The following NKX2-5 variants were observed in gnomAD, a reference collection of about 807,000 sequenced individuals.
The protein encoded by NKX2-5 is homeobox protein Nkx-2.5.
In NKX2-5, 3 loss-of-function variants were observed where a neutral mutation model predicts 24.5. The ratio of observed to expected loss-of-function variants is 0.12; its 90% CI spans 0.06 to 0.32. The LOEUF is 0.32. Among genes scored for constraint, NKX2-5 ranks in the 10% least tolerant of loss-of-function variants. NKX2-5 has a pLI of 1.00. For synonymous variants in NKX2-5, 215 were observed against 217.6 expected, an observed-to-expected ratio of 0.99 and a Z score of 0.11; for missense variants, 429 against 452.4, an observed-to-expected ratio of 0.95 and a Z score of 0.47.
At chr5:173,233,439 T>C (rs1581109312) in intron 1 of NKX2-5, 1 of 1,527,456 alleles carries the variant, frequency 6.5e-7, no homozygotes, top group East Asian at 2.5e-5. Flanking sequence ...AAACGGGAGG[T>C]CTCTGCCCTC....
In NKX2-5 at chr5:173,235,163, G is replaced by T; in HGVS notation, c.-80C>A. On this transcript the variant is annotated 5_prime_UTR_variant, in exon 1 of 2. Transcript: ENST00000329198. ...ACGGCCCCTGGCAGCTTCCCTGCAT[G>T]GTGCCGCCGCCCGCCCGCGCACCCG... 1.4e-6 allele frequency: 2 copies of T among 1,417,866 alleles called. No individual in the cohort carries two copies. Among genetic ancestry groups the T allele is most frequent in the South Asian group, 2.8e-5 (2 of 72,098 alleles). The allele number at this position is 1,417,866 out of a possible 1,614,324, so 87.8% of individuals were successfully genotyped here. A position where few individuals can be genotyped will look rare whatever the true frequency, so the allele number is the denominator to read the frequency against.
Position 173,235,108 on chromosome 5 carries a change from C to G in NKX2-5, c.-25G>C, listed in dbSNP as rs199857287. ...TGGTGGCAGCGCCAGTCTCACAGCG[C>G]CAGGTGGGCGGCAGAAAGCGGCGCT... is the stretch of plus-strand genomic sequence containing the variant. On this transcript the variant is annotated 5_prime_UTR_variant, in exon 1 of 2. Transcript: ENST00000329198. 5 of 1,585,624 alleles carry G rather than the reference C, an allele frequency of 3.2e-6. No homozygotes were observed. In the African/African-American group the frequency reaches 6.9e-5, roughly 22 times the overall value.
Position 173,234,907 on chromosome 5 carries a change from G to A in NKX2-5, c.177C>T (p.Pro59=). Residue 59 remains proline, a synonymous_variant, in exon 1 of 2, where the codon CCC becomes CCT. Coordinates refer to ENST00000329198, the MANE Select transcript of NKX2-5 (RefSeq NM_004387.4). The stretch of plus-strand genomic sequence containing the variant: ...CTGGGAGGCCCGGCGCAGCCGCCTC[G>A]GGCCCAGCGTAGGCCTCTGGCTTGA... ...AAFKPEAYAG[P]EAAAPGLPEL... is the part of the protein sequence containing the mutation. 6 of 1,607,904 alleles carry A rather than the reference G, an allele frequency of 3.7e-6. No individual in the cohort carries two copies. The highest frequency in any genetic ancestry group is 2.7e-5 in the African/African-American group (2 of 74,652).
Position 173,234,920 on chromosome 5 carries a change from G to C in NKX2-5, c.164C>G (p.Ala55Gly). Residue 55 changes from alanine to glycine, a missense_variant, in exon 1 of 2, where the codon GCC becomes GGC. Around this residue, in one of 3 missense-constraint regions of NKX2-5, gnomAD observed 240 missense variants for 240.4 expected, o/e 1.00. Transcript: ENST00000329198. ...SCMLAAFKPE[A>G]YAGPEAAAPG... ...CGCAGCCGCCTCGGGCCCAGCGTAG[G>C]CCTCTGGCTTGAAGGCGGCCAGCAT... is the stretch of plus-strand genomic sequence containing the variant. 1 of 1,610,318 alleles carries C rather than the reference G, an allele frequency of 6.2e-7. No homozygotes were observed. Among genetic ancestry groups the C allele is most frequent in the East Asian group, 2.2e-5 (1 of 44,754 alleles).
chr5:173,233,504 G>GAAAAAAA, intron 1 of NKX2-5: 1 of 583,554 alleles, frequency 1.7e-6, no homozygotes, highest in Non-Finnish European at 2.6e-6. Context: ...ATTTCAGGCT[G>GAAAAAAA]CAAAAAAAAA....
rs150581386 is a variant in NKX2-5 at position 173,232,659 on chromosome 5, G to T, written c.885C>A (p.Phe295Leu). 1 of 1,612,714 alleles carries T rather than the reference G, an allele frequency of 6.2e-7. No individual in the cohort carries two copies. Among genetic ancestry groups the T allele is most frequent in the African/African-American group, 1.3e-5 (1 of 75,050 alleles). The change falls in exon 2 of 2, where the codon TTC becomes TTA. Residue 295 changes from phenylalanine (F) to leucine (L), a missense_variant. Transcript: ENST00000329198. This position sits in a 1 kb window ranked among gnomAD's most constrained non-coding sequence, Gnocchi z 5.9. The stretch of plus-strand genomic sequence containing the variant: ...GAACCGCATTCAAGTCCCCGACGCC[G>T]AAGTTCACGAAGTTGTTGTTGGCGG... ...TAAANNNFVN[F>L]GVGDLNAVQS...
chr5:173,233,150 G>C lies in NKX2-5; in HGVS notation c.394C>G (p.Arg132Gly). 1.2e-6 allele frequency: 2 copies of C among 1,602,262 alleles called. No homozygotes were observed. Among genetic ancestry groups the C allele is most frequent in the Non-Finnish European group, 1.7e-6 (2 of 1,177,064 alleles). Residue 132 changes from arginine to glycine, a missense_variant, in exon 2 of 2, where the codon CGG (arginine) becomes GGG (glycine). Physicochemically the swap from Arg to Gly is moderately radical, Grantham distance 125. Around this residue, in one of 3 missense-constraint regions of NKX2-5, gnomAD observed 240 missense variants for 240.4 expected, o/e 1.00. Coordinates refer to ENST00000329198, the MANE Select transcript of NKX2-5 (RefSeq NM_004387.4). The part of the protein sequence containing the change: ...LEKTEADNAE[R>G]PRARRRRKPR... The stretch of plus-strand genomic sequence containing the variant: ...TTCCTCCGCCGTCGCGCCCGGGGCC[G>C]CTCCGCGTTGTCCGCCTCTGTCTTC...
At chr5:173,233,359 A>T in intron 1 of NKX2-5, 150 bp from the exon 2 acceptor site, 2 of 1,536,974 alleles carry the variant, frequency 1.3e-6, no homozygotes, top group Non-Finnish European at 8.7e-7. Context: ...TGCCAAGTGC[A>T]CTGGGAGCCA....
rs758595778 is a variant in NKX2-5, at chr5:173,232,739, T to C, written c.805A>G (p.Ser269Gly). ...YGGAACSPGY[S>G]CTAAYPAGPS... The stretch of plus-strand genomic sequence containing the variant: ...CCGGCGGGGTAAGCGGCAGTGCAGC[T>C]GTAGCCAGGGCTGCAGGCCGCGCCG... Residue 269 changes from serine to glycine, a missense_variant, in exon 2 of 2, where the codon AGC (serine) becomes GGC (glycine). Coordinates refer to ENST00000329198, the MANE Select transcript of NKX2-5 (RefSeq NM_004387.4). This position sits in a 1 kb window ranked among gnomAD's most constrained non-coding sequence, Gnocchi z 5.9. 6.2e-7 allele frequency: 1 copy of C among 1,606,486 alleles called. No individual in the cohort carries two copies. Among genetic ancestry groups the C allele is most frequent in the Non-Finnish European group, 8.5e-7 (1 of 1,176,590 alleles).
In NKX2-5 at chr5:173,232,767, G is replaced by A. The variant is rs1057520670; in HGVS notation, c.777C>T (p.Tyr259=). 2 of 1,609,342 alleles carry A rather than the reference G, an allele frequency of 1.2e-6. No homozygotes were observed. Among genetic ancestry groups the A allele is most frequent in the Admixed American group, 1.7e-5 (1 of 59,706 alleles). ...AGCCAGGGCTGCAGGCCGCGCCGCC[G>A]TAACCCGGATAGGCGGGGTAGGCGT... ...GYNAYPAYPG[Y]GGAACSPGYS... The change falls in exon 2 of 2, where the codon TAC becomes TAT. Residue 259 remains tyrosine (Y), a synonymous_variant. Coordinates refer to ENST00000329198, the MANE Select transcript of NKX2-5 (RefSeq NM_004387.4). This position sits in a 1 kb window ranked among gnomAD's most constrained non-coding sequence, Gnocchi z 5.9.
intron 1 of NKX2-5, 54 bp from the exon 2 acceptor site, chr5:173,233,263 G>A (rs898576488): frequency 6.4e-7 from 1 of 1,574,442 alleles, no homozygotes; most frequent in Non-Finnish European, 8.6e-7. Flanking sequence ...CTTGACCTAC[G>A]GAGCGCGGCC....
rs1304644050 is a variant in NKX2-5, at chr5:173,234,996, C to A, written c.88G>T (p.Ala30Ser). The change falls in exon 1 of 2, where the codon GCC (alanine) becomes TCC (serine). Residue 30 changes from alanine (A) to serine (S), a missense_variant. Ala to Ser is a moderately conservative substitution (Grantham distance 99, BLOSUM62 1). Transcript: ENST00000329198. ...LEQQQRSLAAAGELSARLEAT... is the reference protein window; with the variant it reads ...LEQQQRSLAASGELSARLEAT... ...TCCAGGCGGGCAGAGAGCTCTCCGGCGGCAGCCAGGCTGCGCTGCTGCTGT... is the reference window on the plus strand; with the variant it reads ...TCCAGGCGGGCAGAGAGCTCTCCGGAGGCAGCCAGGCTGCGCTGCTGCTGT... 6.2e-7 allele frequency: 1 copy of A among 1,612,124 alleles called. No homozygotes were observed. The highest frequency in any genetic ancestry group is 8.5e-7 in the Non-Finnish European group (1 of 1,179,602).
Position 173,234,794 on chromosome 5 carries a change from T to G in NKX2-5, c.290A>C (p.Tyr97Ser). 6.3e-7 allele frequency: 1 copy of G among 1,578,720 alleles called. No individual in the cohort carries two copies. Among genetic ancestry groups the G allele is most frequent in the Non-Finnish European group, 8.6e-7 (1 of 1,165,176 alleles). Residue 97 changes from tyrosine to serine, a missense_variant, in exon 1 of 2, where the codon TAC (tyrosine) becomes TCC (serine). This residue lies in a region of NKX2-5 where 240 missense variants were observed against 240.4 expected (regional missense o/e 1.00). Coordinates refer to ENST00000329198, the MANE Select transcript of NKX2-5 (RefSeq NM_004387.4). Reference protein sequence around the residue: ...PAAPAFYPRAYSDPDPAKDPR... With the variant: ...PAAPAFYPRASSDPDPAKDPR... ...GTCCTTGGCTGGGTCGGGGTCGCTG[T>G]AGGCACGTGGATAGAAGGCGGGGGC... is the stretch of plus-strand genomic sequence containing the variant.
chr5:173,235,039 T>A lies in NKX2-5; in HGVS notation c.45A>T (p.Lys15Asn). 1 of 1,611,718 alleles carries A rather than the reference T, an allele frequency of 6.2e-7. No individual in the cohort carries two copies. Among genetic ancestry groups the A allele is most frequent in the Non-Finnish European group, 8.5e-7 (1 of 1,179,430 alleles). The change falls in exon 1 of 2, where the codon AAA (lysine) becomes AAT (asparagine). Residue 15 changes from lysine (K) to asparagine (N), a missense_variant. Coordinates refer to ENST00000329198, the MANE Select transcript of NKX2-5 (RefSeq NM_004387.4). ...GCTGCTGTTCCAGGTTTAGGATGTC[T>A]TTGACTGAGAAGGGCGTGGGCGTGA... Reference protein sequence around the residue: ...PALTPTPFSVKDILNLEQQQR... With the variant: ...PALTPTPFSVNDILNLEQQQR...
chr5:173,233,079 C>T lies in NKX2-5; in HGVS notation c.465G>A (p.Arg155=). 3 of 1,601,722 alleles carry T rather than the reference C, an allele frequency of 1.9e-6. No individual in the cohort carries two copies. Among genetic ancestry groups the T allele is most frequent in the Non-Finnish European group, 2.6e-6 (3 of 1,174,916 alleles). ...ACAGGTACCGCTGCTGCTTGAAGCG[C>T]CGCTCCAGCTCATAGACCTGCGCCT... The part of the protein sequence containing the change: ...FSQAQVYELE[R]RFKQQRYLSA... The change falls in exon 2 of 2, where the codon CGG becomes CGA. Residue 155 remains arginine, a synonymous_variant. Coordinates refer to ENST00000329198, the MANE Select transcript of NKX2-5 (RefSeq NM_004387.4).
At position 173,233,365 on chromosome 5, in the gene NKX2-5, A is replaced by AGCCACCG. The variant is rs1761372394; in HGVS notation, c.335-163_335-157dup. The AGCCACCG allele has an allele frequency of 3.9e-6, 6 of 1,536,962 alleles. No individual in the cohort carries two copies. The East Asian group carries it at 1.5e-4, about 38-fold the overall frequency. ...GGCTCACTCTGCCAAGTGCACTGGGAGCCACCGACACGTCTCACTCAGCAT... is the reference window on the plus strand; with the variant it reads ...GGCTCACTCTGCCAAGTGCACTGGGAGCCACCGGCCACCGACACGTCTCACTCAGCAT... On this transcript the variant is annotated intron_variant, in intron 1 of 1. Transcript: ENST00000329198.
rs1341734909 is a variant in NKX2-5, at chr5:173,235,073, C to T, written c.11G>A (p.Ser4Asn). The T allele has an allele frequency of 2.5e-6, 4 of 1,606,292 alleles. No individual in the cohort carries two copies. Among genetic ancestry groups the T allele is most frequent in the Non-Finnish European group, 3.4e-6 (4 of 1,177,528 alleles). MFP[S>N]PALTPTPFSV... ...GAAGGGCGTGGGCGTGAGAGCAGGGCTGGGGAACATGGTGGCAGCGCCAGT... is the reference window on the plus strand; with the variant it reads ...GAAGGGCGTGGGCGTGAGAGCAGGGTTGGGGAACATGGTGGCAGCGCCAGT... Residue 4 changes from serine (S) to asparagine (N), a missense_variant, in exon 1 of 2, where the codon AGC becomes AAC. By Grantham distance (46) the Ser-to-Asn change is conservative. This residue lies in a region of NKX2-5 where 240 missense variants were observed against 240.4 expected (regional missense o/e 1.00). Coordinates refer to ENST00000329198, the MANE Select transcript of NKX2-5 (RefSeq NM_004387.4).
At chr5:173,234,679 T>A (rs576427028) in intron 1 of NKX2-5, 71 bp downstream of exon 1, 14 of 1,337,660 alleles carry the variant, frequency 1.0e-5, no homozygotes, top group African/African-American at 9.2e-5. Flanking sequence ...TGTCTCCTCC[T>A]CCTGGCCCTG....
chr5:173,233,346 C>G, intron 1 of NKX2-5, 137 bp from the exon 2 acceptor site: 1 of 1,537,052 alleles, frequency 6.5e-7, no homozygotes, highest in Non-Finnish European at 8.7e-7. Flanking sequence ...CTGCGGCTCA[C>G]TCTGCCAAGT....
Sources: gnomAD v4.1 joint callset for allele counts on GRCh38, gnomAD v4.1.1 for gene constraint, gnomAD v4.1.1 regional missense constraint, Gnocchi (gnomAD v3.1) non-coding constraint, MANE v1.5 for transcripts, NCBI Gene and HGNC (gene_info 2026-07-23, HGNC 2026-07-21) for gene names.